Variants in DNMBP observed in about 807,000 individuals in gnomAD.
The protein encoded by DNMBP is dynamin-binding protein.
DNMBP carries 87 observed loss-of-function variants against 150.0 expected under a neutral mutation model. The ratio of observed to expected loss-of-function variants is 0.58; its 90% CI spans 0.49 to 0.69. DNMBP has a LOEUF of 0.69. Ranked by LOEUF, DNMBP falls within the 30% of genes least tolerant of loss-of-function variation. DNMBP has a pLI of 0.00. For missense variants in DNMBP, 1,774 were observed against 1,949.0 expected (o/e 0.91, Z 1.69); for synonymous variants, 711 against 750.4 (o/e 0.95, Z 0.86).
At position 99,933,507 on chromosome 10, in the gene DNMBP, A is replaced by G. The variant is rs1428608371; in HGVS notation, c.2260+21707T>C. On this transcript the variant is annotated intron_variant, in intron 4 of 16. Transcript: ENST00000324109. ...TAGACAGGAAAACAAGCTTTATTAT[A>G]TGGGTTCAGGGGGATCTGGCAAAAA... Among the ~76,000 whole-genome samples the G allele has an allele frequency of 4.4e-5, 6 of 136,676 alleles. No individual in the cohort carries two copies. In the East Asian group the frequency reaches 1.2e-3, roughly 28 times the overall value. The allele number at this position is 136,676 out of a possible 152,430, so 89.7% of individuals were successfully genotyped here. A position where few individuals can be genotyped will look rare whatever the true frequency, so the allele number is the denominator to read the frequency against.
intron 16 of DNMBP, among the ~76,000 whole-genome samples, chr10:99,879,529 A>C (rs896883601): frequency 6.6e-6 from 1 of 152,208 alleles, no homozygotes; most frequent in African/African-American, 2.4e-5. Context: ...TATACAACTG[A>C]AGAATTAGTG....
At position 99,884,209 on chromosome 10, in the gene DNMBP, G is replaced by A; in HGVS notation, c.3799C>T (p.Pro1267Ser). Residue 1267 changes from proline to serine, a missense_variant and splice_region_variant, in exon 15 of 17, where the codon CCA (proline) becomes TCA (serine). Pro to Ser is a moderately conservative substitution (Grantham distance 74). Transcript: ENST00000324109. ...QSARKPLLGL[P>S]SYMLQSEELR... is the part of the protein sequence containing the mutation. ...TCTTCTGACTGTAGCATGTAACTTG[G>A]CTGAAAGGTAAGACGTTAACAAAAA... 1 of 1,611,852 alleles carries A rather than the reference G, an allele frequency of 6.2e-7. No homozygotes were observed. The highest frequency in any genetic ancestry group is 8.5e-7 in the Non-Finnish European group (1 of 1,179,094).
intron 16 of DNMBP, among the ~76,000 whole-genome samples, chr10:99,878,109 A>G (rs1450442539): frequency 1.3e-5 from 2 of 152,258 alleles, no homozygotes; most frequent in African/African-American, 4.8e-5. Context: ...TTTTAAAAAA[A>G]CTACCTTTTC....
chr10:99,876,887 G>C lies in DNMBP; in HGVS notation c.*264C>G, dbSNP rs920874447. On this transcript the variant is annotated 3_prime_UTR_variant, in exon 17 of 17. Coordinates refer to ENST00000324109, the MANE Select transcript of DNMBP (RefSeq NM_015221.4). ...GCAAGTTTCTCCTTTCCAAAAGCCA[G>C]CTCTAAGACTTGTCTCTCTTCTCAT... 5.4e-6 allele frequency: 2 copies of C among 368,390 alleles called. No homozygotes were observed. Among genetic ancestry groups the C allele is most frequent in the African/African-American group, 2.1e-5 (1 of 47,682 alleles). 22.8% of individuals were successfully genotyped at this position (368,390 alleles called of 1,614,324 possible).
intron 11 of DNMBP, among the ~76,000 whole-genome samples, chr10:99,892,819 C>CT (rs1360065604): frequency 6.6e-6 from 1 of 152,096 alleles, no homozygotes; most frequent in Non-Finnish European, 1.5e-5. Flanking sequence ...CAGCAAAGTC[C>CT]TTTCTACATA....
chr10:99,883,341 T>C (rs545768712), intron 15 of DNMBP, among the ~76,000 whole-genome samples: 1 of 152,060 alleles, frequency 6.6e-6, no homozygotes, highest in Non-Finnish European at 1.5e-5. Flanking sequence ...TCCCACAGGT[T>C]TTTAATTTCC....
intron 1 of DNMBP, among the ~76,000 whole-genome samples, chr10:100,006,212 A>G (rs886482425): frequency 6.6e-6 from 1 of 152,202 alleles, no homozygotes; most frequent in African/African-American, 2.4e-5. Context: ...TGACCTGACA[A>G]TCTGACTGAA....
chr10:99,880,503 T>A (rs2039350662), intron 15 of DNMBP, 142 bp from the exon 16 acceptor site: 1 of 1,148,728 alleles, frequency 8.7e-7, no homozygotes, highest in African/African-American at 1.6e-5. Flanking sequence ...GCCAGGCCAA[T>A]AGTGAGAGAC....
At chr10:99,893,051 G>GAATA (rs2039597300) in intron 11 of DNMBP, among the ~76,000 whole-genome samples, 1 of 152,132 alleles carries the variant, frequency 6.6e-6, no homozygotes, top group South Asian at 2.1e-4. Context: ...AGACATATAA[G>GAATA]AATATTCTCA....
At chr10:99,914,099 A>G (rs1015780886) in intron 4 of DNMBP, 2 of 1,381,728 alleles carry the variant, frequency 1.4e-6, no homozygotes, top group Non-Finnish European at 1.9e-6. Flanking sequence ...TCCCACATTT[A>G]CATATGAATC....
intron 4 of DNMBP, among the ~76,000 whole-genome samples, chr10:99,941,010 G>A (rs867761946): frequency 8.0e-5 from 12 of 150,810 alleles, no homozygotes; most frequent in Admixed American, 1.3e-4. Flanking sequence ...TCAGCCTCCC[G>A]AGTGGCTGGG....
chr10:99,937,328 C>G (rs2040244830), intron 4 of DNMBP, among the ~76,000 whole-genome samples: 1 of 152,198 alleles, frequency 6.6e-6, no homozygotes, highest in African/African-American at 2.4e-5. Flanking sequence ...TCAGTGTGTA[C>G]TATGGGCTAC....
intron 1 of DNMBP, among the ~76,000 whole-genome samples, chr10:99,979,061 GTCC>G (rs1404078822): frequency 1.3e-5 from 2 of 151,954 alleles, no homozygotes; most frequent in South Asian, 2.1e-4. Flanking sequence ...GAATTTACAG[GTCC>G]TCCTATTTTC....
chr10:99,921,864 GAAAAA>G (rs34344466), intron 4 of DNMBP, among the ~76,000 whole-genome samples: 1 of 23,746 alleles, frequency 4.2e-5, no homozygotes, highest in Non-Finnish European at 7.3e-5. Context: ...GATTCCATCT[GAAAAA>G]AAAAAAAAAA....
chr10:99,924,268 T>G (rs911686498), intron 4 of DNMBP, among the ~76,000 whole-genome samples: 45 of 145,078 alleles, frequency 3.1e-4, no homozygotes, highest in African/African-American at 1.1e-3. Context: ...AAACCCCGTC[T>G]CTACTAAAAA....
At chr10:99,902,303 CTTTTTTT>C (rs34120125) in intron 6 of DNMBP, among the ~76,000 whole-genome samples, 31 of 82,776 alleles carry the variant, frequency 3.7e-4, no homozygotes, top group East Asian at 7.6e-4. Context: ...AGCCTCCCTT[CTTTTTTT>C]TTTTTTTTTT....
chr10:99,898,720 C>T (rs2039695671), intron 8 of DNMBP, 23 bp downstream of exon 8: 1 of 1,613,286 alleles, frequency 6.2e-7, no homozygotes, highest in Non-Finnish European at 8.5e-7. Flanking sequence ...TGAGCGCATA[C>T]ATCAAGCAGC....
chr10:99,891,407 G>A lies in DNMBP; in HGVS notation c.3157-2454C>T, dbSNP rs1183893778. ...CCAGGCCGGTCTCCAGCCCCTAACC[G>A]CGAGTGATCCGCCAGCCTCGGCCTC... is the stretch of plus-strand genomic sequence containing the variant. On this transcript the variant is annotated intron_variant, in intron 11 of 16. Transcript: ENST00000324109. Among the ~76,000 whole-genome samples, 7 of 151,764 alleles carry A rather than the reference G, an allele frequency of 4.6e-5. No homozygotes were observed. In the East Asian group the frequency reaches 1.2e-3, roughly 25 times the overall value.
At chr10:99,983,623 A>G (rs544709738) in intron 1 of DNMBP, among the ~76,000 whole-genome samples, 8 of 152,316 alleles carry the variant, frequency 5.3e-5, no homozygotes, top group African/African-American at 1.9e-4. Context: ...GCTCTTCAAC[A>G]GCGGCCTCCT....
Sources: allele counts gnomAD v4.1 joint callset (sites outside exome capture counted in the v4.1 genomes callset), GRCh38; gene constraint gnomAD v4.1.1; transcripts MANE v1.5; gene names NCBI Gene and HGNC (gene_info 2026-07-23, HGNC 2026-07-21).